RNF24: variants seen among roughly 807,000 people sequenced by gnomAD.
RNF24 encodes ring finger protein 24.
RNF24 carries 14 observed loss-of-function variants against 20.0 expected under a neutral mutation model. The observed-to-expected ratio is 0.70, with a 90% CI of 0.46 to 1.10. RNF24 has a LOEUF of 1.10. Among genes scored for constraint, RNF24 ranks in the 50% least tolerant of loss-of-function variants. RNF24 has a pLI of 0.00. For missense variants in RNF24, 124 were observed against 177.6 expected, an observed-to-expected ratio of 0.70 and a Z score of 1.71; for synonymous variants, 45 against 61.1, an observed-to-expected ratio of 0.74 and a Z score of 1.23.
At chr20:3,974,631 A>T (rs1978701886) in intron 1 of RNF24, among the ~76,000 whole-genome samples, 1 of 152,210 alleles carries the variant, frequency 6.6e-6, no homozygotes, top group Non-Finnish European at 1.5e-5. Context: ...GGAACACTGA[A>T]ATTATAAATA....
chr20:3,984,464 G>T (rs1188549234), intron 1 of RNF24, among the ~76,000 whole-genome samples: 1 of 152,116 alleles, frequency 6.6e-6, no homozygotes, highest in Non-Finnish European at 1.5e-5. Context: ...CACCTAAGCT[G>T]GCCCTCCTGA....
intron 1 of RNF24, among the ~76,000 whole-genome samples, chr20:3,979,444 G>C (rs1367940445): frequency 1.3e-5 from 2 of 152,164 alleles, no homozygotes; most frequent in African/African-American, 4.8e-5. Context: ...GGGAGGCCAA[G>C]GTGGGTGGAT....
intron 1 of RNF24, among the ~76,000 whole-genome samples, chr20:3,996,161 T>C: frequency 6.6e-6 from 1 of 152,218 alleles, no homozygotes; most frequent in East Asian, 1.9e-4. Flanking sequence ...GTCTATTCTC[T>C]ACTTCATCAT....
chr20:3,945,525 G>C (rs1466239294), intron 3 of RNF24, among the ~76,000 whole-genome samples: 1 of 152,076 alleles, frequency 6.6e-6, no homozygotes, highest in Admixed American at 6.6e-5. Context: ...GACCAGCCTG[G>C]TCAACATAGT....
At chr20:3,935,607 T>C (rs1208528828) in intron 4 of RNF24, among the ~76,000 whole-genome samples, 1 of 152,218 alleles carries the variant, frequency 6.6e-6, no homozygotes, top group Non-Finnish European at 1.5e-5. Flanking sequence ...GTCTCTGTCA[T>C]ATAAAAAGTT....
intron 1 of RNF24, among the ~76,000 whole-genome samples, chr20:4,000,128 C>A (rs1344946150): frequency 6.6e-6 from 1 of 152,144 alleles, no homozygotes; most frequent in African/African-American, 2.4e-5. Flanking sequence ...CTAAAAGCCA[C>A]TGAATTGTAC....
chr20:3,941,248 T>G (rs1331616147), intron 4 of RNF24, among the ~76,000 whole-genome samples: 1 of 152,162 alleles, frequency 6.6e-6, no homozygotes, highest in South Asian at 2.1e-4. Context: ...GTCTCGATCT[T>G]CTGGACTCCA....
rs1488943457 is a variant in RNF24, at chr20:3,933,111, CAA to C, written c.*950_*951del. The C allele has an allele frequency of 3.5e-6, 1 of 287,968 alleles. No homozygotes were observed. Among genetic ancestry groups the C allele is most frequent in the Non-Finnish European group, 5.8e-6 (1 of 172,654 alleles). The allele number at this position is 287,968 out of a possible 1,614,324, so 17.8% of individuals were successfully genotyped here. A position where few individuals can be genotyped will look rare whatever the true frequency, so the allele number is the denominator to read the frequency against. The stretch of plus-strand genomic sequence containing the variant: ...TTCTGAAGTAGAAAGAGAGATAGGG[CAA>C]GAGAGAGAAGAGATGGAAGGAGGGG... On this transcript the variant is annotated 3_prime_UTR_variant, in exon 6 of 6. Transcript: ENST00000358395.
intron 1 of RNF24, among the ~76,000 whole-genome samples, chr20:4,008,850 C>T (rs974709541): frequency 1.3e-5 from 2 of 151,792 alleles, no homozygotes; most frequent in Non-Finnish European, 2.9e-5. Flanking sequence ...CGGCCCAAGA[C>T]TGCCAATATT....
intron 1 of RNF24, among the ~76,000 whole-genome samples, chr20:4,001,451 C>T (rs1346830965): frequency 6.6e-6 from 1 of 152,068 alleles, no homozygotes; most frequent in African/African-American, 2.4e-5. Flanking sequence ...CTTCTTACCA[C>T]AAATGTAGCT....
chr20:3,954,727 G>A (rs748049275), intron 2 of RNF24, among the ~76,000 whole-genome samples: 4 of 151,912 alleles, frequency 2.6e-5, no homozygotes, highest in Admixed American at 1.3e-4. Flanking sequence ...GTGAAACTCC[G>A]TCTCTACTAA....
At chr20:3,944,712 T>G (rs952766949) in intron 4 of RNF24, among the ~76,000 whole-genome samples, 3 of 152,216 alleles carry the variant, frequency 2.0e-5, no homozygotes, top group African/African-American at 7.2e-5. Flanking sequence ...ACCGAAGAGC[T>G]AAACAATCCC....
intron 4 of RNF24, among the ~76,000 whole-genome samples, chr20:3,936,914 G>A (rs373435232): frequency 2.0e-5 from 3 of 152,236 alleles, no homozygotes; most frequent in South Asian, 2.1e-4. Context: ...TCAGCTCACC[G>A]CAACCTCCGC....
At chr20:3,956,617 CT>C (rs1264188773) in intron 2 of RNF24, among the ~76,000 whole-genome samples, 1 of 151,860 alleles carries the variant, frequency 6.6e-6, no homozygotes, top group African/African-American at 2.4e-5. Flanking sequence ...TCGTGCTTAG[CT>C]TTTTTACTTT....
chr20:3,985,808 G>A (rs1301226109), intron 1 of RNF24, among the ~76,000 whole-genome samples: 2 of 151,202 alleles, frequency 1.3e-5, no homozygotes. Flanking sequence ...GGGTTCAAGC[G>A]AATTCTCCTA....
intron 1 of RNF24, among the ~76,000 whole-genome samples, chr20:3,999,826 A>G (rs1418554943): frequency 6.6e-6 from 1 of 152,252 alleles, no homozygotes; most frequent in Non-Finnish European, 1.5e-5. Context: ...ATAAGTCAGT[A>G]TATCTCTAAG....
At chr20:3,974,394 G>C in intron 1 of RNF24, 1 of 1,547,428 alleles carries the variant, frequency 6.5e-7, no homozygotes, top group Non-Finnish European at 8.7e-7. Flanking sequence ...ACATAGTGCT[G>C]GAAGTTCTAG....
Position 3,945,194 on chromosome 20 carries a change from C to A in RNF24, c.211G>T (p.Glu71Ter), listed in dbSNP as rs1355625483. ...KQVILKEKVK[E>*]LNLHELCAVC... Reference sequence around the variant, plus strand: ...CAACTTACCTCATGTAAATTCAATTCTTTTACTTTCTCTTTTAATATAACC... The same window carrying A: ...CAACTTACCTCATGTAAATTCAATTATTTTACTTTCTCTTTTAATATAACC... Residue 71 changes from glutamate to a stop codon, truncating the protein, a stop_gained, in exon 4 of 6, where the codon GAA becomes TAA. Transcript: ENST00000358395. LOFTEE classifies it high-confidence loss of function. The A allele has an allele frequency of 2.5e-6, 4 of 1,597,278 alleles. No homozygotes were observed. Among genetic ancestry groups the A allele is most frequent in the Non-Finnish European group, 3.4e-6 (4 of 1,171,840 alleles).
intron 1 of RNF24, chr20:3,974,185 A>G (rs1568641745): frequency 1.3e-6 from 1 of 775,110 alleles, no homozygotes; most frequent in South Asian, 2.5e-5. Context: ...AGAAATTAAA[A>G]AACTCCCAGA....
Sources: allele counts gnomAD v4.1 joint callset (sites outside exome capture counted in the v4.1 genomes callset), GRCh38; gene constraint gnomAD v4.1.1; transcripts MANE v1.5; gene names NCBI Gene and HGNC (gene_info 2026-07-23, HGNC 2026-07-21).